The following PRKD2 variants were observed in gnomAD, a reference collection of about 807,000 sequenced individuals.
PRKD2 encodes the protein protein kinase D2, also known as serine/threonine-protein kinase D2.
PRKD2 carries 22 observed loss-of-function variants against 86.0 expected under a neutral mutation model. That is an observed-to-expected ratio of 0.26 (90% CI 0.18 to 0.37). PRKD2 has a LOEUF of 0.37. Ranked by LOEUF, PRKD2 falls within the 10% of genes least tolerant of loss-of-function variation. The pLI, the probability that PRKD2 is intolerant of heterozygous loss-of-function variation, is 1.00. For synonymous variants in PRKD2, 509 were observed against 510.9 expected (o/e 1.00, Z 0.05); for missense variants, 818 against 1,199.2 (o/e 0.68, Z 4.70).
rs550268612 is a variant in PRKD2 at position 46,697,675 on chromosome 19, G to C, written c.1239+58C>G. 1.5e-5 allele frequency: 23 copies of C among 1,509,684 alleles called. No individual in the cohort carries two copies. The South Asian group carries it at 2.4e-4, about 16-fold the overall frequency. 93.5% of individuals were successfully genotyped at this position (1,509,684 alleles called of 1,614,324 possible). A position where few individuals can be genotyped will look rare whatever the true frequency, so the allele number is the denominator to read the frequency against. ...CCACCTAGCCCCGCCTACTCAAGCT[G>C]AGCCGCCCCTCTTCCAGCCTTCGCT... On this transcript the variant is annotated intron_variant, in intron 8 of 17. Transcript: ENST00000291281.
intron 3 of PRKD2, chr19:46,710,577 C>T: frequency 3.5e-6 from 1 of 288,156 alleles, no homozygotes; most frequent in Non-Finnish European, 6.5e-6. Flanking sequence ...CTGGATGTTT[C>T]TCTGCTTGAT....
chr19:46,677,287 AC>A (rs1439795527), intron 16 of PRKD2: 1 of 152,492 alleles, frequency 6.6e-6, no homozygotes, highest in Non-Finnish European at 1.5e-5. Flanking sequence ...TCAATGAGCT[AC>A]CCTGCACCTG....
At chr19:46,685,075 A>G (rs1208738117) in intron 14 of PRKD2, among the ~76,000 whole-genome samples, 1 of 151,982 alleles carries the variant, frequency 6.6e-6, no homozygotes, top group Non-Finnish European at 1.5e-5. Flanking sequence ...CCTGGCCAAC[A>G]TAGTGAAACC....
chr19:46,703,500 G>A (rs1200587826), intron 5 of PRKD2, among the ~76,000 whole-genome samples: 1 of 151,910 alleles, frequency 6.6e-6, no homozygotes, highest in South Asian at 2.1e-4. Context: ...GGCCAGGCGC[G>A]GTGGCTCACG....
chr19:46,704,635 A>G lies in PRKD2; in HGVS notation c.526T>C (p.Tyr176His), dbSNP rs1182630223. 6.2e-7 allele frequency: 1 copy of G among 1,607,914 alleles called. No homozygotes were observed. Residue 176 changes from tyrosine to histidine, a missense_variant, in exon 4 of 18, where the codon TAC becomes CAC. Coordinates refer to ENST00000291281, the MANE Select transcript of PRKD2 (RefSeq NM_016457.5). Reference protein sequence around the residue: ...GLKCDGCGLNYHKRCAFSIPN... With the variant: ...GLKCDGCGLNHHKRCAFSIPN... ...ATGCTGAAGGCACAGCGCTTGTGGT[A>G]GTTCAGCCCGCAGCCTGCAGGGGGC...
At chr19:46,694,429 T>C (rs906449251) in intron 9 of PRKD2, among the ~76,000 whole-genome samples, 2 of 151,916 alleles carry the variant, frequency 1.3e-5, no homozygotes, top group African/African-American at 4.8e-5. Context: ...ATCCCGTCTC[T>C]ACTGAAAATA....
chr19:46,676,953 C>T (rs1192632860), intron 16 of PRKD2, among the ~76,000 whole-genome samples: 8 of 150,910 alleles, frequency 5.3e-5, no homozygotes, highest in South Asian at 4.2e-4. Flanking sequence ...CCCAGTTACT[C>T]GGGAGGCTGA....
At chr19:46,711,765 C>A (rs1488224072) in intron 2 of PRKD2, among the ~76,000 whole-genome samples, 2 of 152,016 alleles carry the variant, frequency 1.3e-5, no homozygotes, top group Non-Finnish European at 2.9e-5. Context: ...CCACCACCAA[C>A]AACAAAAAAG....
intron 15 of PRKD2, among the ~76,000 whole-genome samples, chr19:46,680,152 C>A (rs1896260589): frequency 6.6e-6 from 1 of 152,158 alleles, no homozygotes; most frequent in South Asian, 2.1e-4. Flanking sequence ...TTGAAACCAG[C>A]CACGCCTCAA....
At chr19:46,714,086 G>T (rs1044448443) in intron 1 of PRKD2, 85 bp from the exon 2 acceptor site, 1 of 1,502,126 alleles carries the variant, frequency 6.7e-7, no homozygotes, top group Non-Finnish European at 8.9e-7. Flanking sequence ...CCAGGGCAGG[G>T]CCGGCTGTTT....
At chr19:46,694,549 C>T (rs1237281141) in intron 9 of PRKD2, among the ~76,000 whole-genome samples, 2 of 151,948 alleles carry the variant, frequency 1.3e-5, no homozygotes, top group Non-Finnish European at 2.9e-5. Flanking sequence ...GAGCCAAGAT[C>T]GCACCACTGC....
rs1296875145 is a variant in PRKD2 at position 46,704,763 on chromosome 19, CG to C, written c.512-115del. On this transcript the variant is annotated intron_variant, in intron 3 of 17. Coordinates refer to ENST00000291281, the MANE Select transcript of PRKD2 (RefSeq NM_016457.5). Reference sequence around the variant, plus strand: ...CACCTGGTCCTGTCCCATCACCCCCCGCCAGCACGATCTCCTCCAAAAGGCA... The same window carrying C: ...CACCTGGTCCTGTCCCATCACCCCCCCCAGCACGATCTCCTCCAAAAGGCA... 6.7e-6 allele frequency: 9 copies of C among 1,340,972 alleles called. No homozygotes were observed. In the East Asian group the frequency reaches 2.2e-4, roughly 33 times the overall value. 83.1% of individuals were successfully genotyped at this position (1,340,972 alleles called of 1,614,324 possible). A position where few individuals can be genotyped will look rare whatever the true frequency, so the allele number is the denominator to read the frequency against.
rs1036127381 is a variant in PRKD2, at chr19:46,678,289, C to G, written c.2338+107G>C. 1 of 1,487,840 alleles carries G rather than the reference C, an allele frequency of 6.7e-7. No individual in the cohort carries two copies. The highest frequency in any genetic ancestry group is 9.0e-7 in the Non-Finnish European group (1 of 1,114,754). 92.2% of individuals were successfully genotyped at this position (1,487,840 alleles called of 1,614,324 possible). On this transcript the variant is annotated intron_variant, in intron 16 of 17. Transcript: ENST00000291281. The surrounding 1 kb of genome is among the most constrained non-coding windows in gnomAD (Gnocchi z 5.7). ...CCGCCCCAGCACTGGGCTCCACCCC[C>G]AAGGTGCCAGGCTGTTTCCGGGTCC...
intron 16 of PRKD2, 145 bp from the exon 17 acceptor site, chr19:46,675,263 A>C: frequency 3.1e-6 from 2 of 640,060 alleles, no homozygotes; most frequent in East Asian, 2.9e-5. Flanking sequence ...TGTGCCAATC[A>C]CTCACCCACC....
At position 46,704,646 on chromosome 19, in the gene PRKD2, C is replaced by A; in HGVS notation, c.515G>T (p.Cys172Phe). 2 of 1,603,426 alleles carry A rather than the reference C, an allele frequency of 1.2e-6. No homozygotes were observed. The highest frequency in any genetic ancestry group is 8.5e-7 in the Non-Finnish European group (1 of 1,173,882). The stretch of plus-strand genomic sequence containing the variant: ...ACAGCGCTTGTGGTAGTTCAGCCCG[C>A]AGCCTGCAGGGGGCGCCAGAGAGTA... Reference protein sequence around the residue: ...LVRQGLKCDGCGLNYHKRCAF... With the variant: ...LVRQGLKCDGFGLNYHKRCAF... The change falls in exon 4 of 18, where the codon TGC (cysteine) becomes TTC (phenylalanine). Residue 172 changes from cysteine to phenylalanine, a missense_variant. Transcript: ENST00000291281.
At chr19:46,712,864 G>A (rs567381882) in intron 2 of PRKD2, among the ~76,000 whole-genome samples, 1 of 152,344 alleles carries the variant, frequency 6.6e-6, no homozygotes, top group African/African-American at 2.4e-5. Flanking sequence ...AATAGTGAGT[G>A]GATGAACTGG....
intron 3 of PRKD2, among the ~76,000 whole-genome samples, chr19:46,709,086 C>T (rs443081): frequency 0.19 from 27,843 of 150,406 alleles, 2,988 homozygotes; most frequent in African/African-American, 0.3. Flanking sequence ...AAGTGATTCT[C>T]CTACCTCAGC....
rs376566966 is a variant in PRKD2, at chr19:46,678,616, C to T, written c.2118G>A (p.Ser706=). The stretch of plus-strand genomic sequence containing the variant: ...GCGTGCCCACCACTGAGCGGCGGAA[C>T]GACTTCTCGCCGATGATGCGAGCAA... The part of the protein sequence containing the change: ...FGFARIIGEK[S]FRRSVVGTPA... Residue 706 remains serine, a synonymous_variant, in exon 16 of 18, where the codon TCG becomes TCA. Coordinates refer to ENST00000291281, the MANE Select transcript of PRKD2 (RefSeq NM_016457.5). This position sits in a 1 kb window ranked among gnomAD's most constrained non-coding sequence, Gnocchi z 5.7. 64 of 1,611,400 alleles carry T rather than the reference C, an allele frequency of 4.0e-5. No individual in the cohort carries two copies. The highest frequency in any genetic ancestry group is 1.7e-4 in the Admixed American group (10 of 59,998).
intron 10 of PRKD2, 88 bp from the exon 11 acceptor site, chr19:46,692,073 G>T: frequency 7.5e-7 from 1 of 1,329,168 alleles, no homozygotes. Flanking sequence ...TGGGAGTCAG[G>T]CCACCCAGAT....
Sources: allele counts gnomAD v4.1 joint callset (sites outside exome capture counted in the v4.1 genomes callset), GRCh38; gene constraint gnomAD v4.1.1; non-coding constraint Gnocchi (gnomAD v3.1); transcripts MANE v1.5; gene names NCBI Gene and HGNC (gene_info 2026-07-23, HGNC 2026-07-21).